Variants in PLEKHA7 observed in about 807,000 individuals in gnomAD.
PLEKHA7 encodes the protein pleckstrin homology domain-containing family A member 7.
PLEKHA7 carries 104 observed loss-of-function variants against 170.0 expected under a neutral mutation model. That is an observed-to-expected ratio of 0.61 (90% CI 0.52 to 0.72). PLEKHA7 has a LOEUF of 0.72. Among genes scored for constraint, PLEKHA7 ranks in the 30% least tolerant of loss-of-function variants. PLEKHA7 has a pLI of 0.00. For synonymous variants in PLEKHA7, 648 were observed against 660.8 expected, an observed-to-expected ratio of 0.98 and a Z score of 0.30; for missense variants, 1,615 against 1,671.7, an observed-to-expected ratio of 0.97 and a Z score of 0.59.
intron 3 of PLEKHA7, among the ~76,000 whole-genome samples, chr11:17,006,950 T>G (rs1047806881): frequency 2.6e-5 from 4 of 152,240 alleles, no homozygotes; most frequent in African/African-American, 9.6e-5. Flanking sequence ...AAAAAATGGG[T>G]TGCTGAATAC....
chr11:16,927,358 C>T (rs983924837), intron 3 of PLEKHA7, among the ~76,000 whole-genome samples: 1 of 152,054 alleles, frequency 6.6e-6, no homozygotes, highest in Admixed American at 6.5e-5. Flanking sequence ...ACTATATATG[C>T]CCTTTAAGTA....
rs115571402 is a variant in PLEKHA7, at chr11:16,811,648, T to C, written c.2007+1465A>G. On this transcript the variant is annotated intron_variant, in intron 13 of 26. Coordinates refer to ENST00000531066, the MANE Select transcript of PLEKHA7 (RefSeq NM_001329630.2). Reference sequence around the variant, plus strand: ...GGAATTACCACCATACTTAGAGCAGTCACTCAAGCTCTGTGTGACCTGACT... The same window carrying C: ...GGAATTACCACCATACTTAGAGCAGCCACTCAAGCTCTGTGTGACCTGACT... Among the ~76,000 whole-genome samples, 404 of 152,318 alleles carry C rather than the reference T, an allele frequency of 2.7e-3. 2 individuals are homozygous for C. Among genetic ancestry groups the C allele is most frequent in the African/African-American group, 9.3e-3 (387 of 41,564 alleles).
intron 3 of PLEKHA7, among the ~76,000 whole-genome samples, chr11:16,876,268 T>A (rs1241969952): frequency 2.6e-5 from 4 of 152,220 alleles, no homozygotes; most frequent in African/African-American, 4.8e-5. Flanking sequence ...TGCTCTATGG[T>A]AGTATAGAGA....
intron 3 of PLEKHA7, among the ~76,000 whole-genome samples, chr11:16,884,302 A>T (rs1855914772): frequency 6.6e-6 from 1 of 152,234 alleles, no homozygotes; most frequent in African/African-American, 2.4e-5. Flanking sequence ...ATTGTAAAAA[A>T]TCAGCCAAAG....
In PLEKHA7 at chr11:16,778,706, A is replaced by G. The variant is rs893853493; in HGVS notation, c.*292T>C. On this transcript the variant is annotated 3_prime_UTR_variant, in exon 27 of 27. Coordinates refer to ENST00000531066, the MANE Select transcript of PLEKHA7 (RefSeq NM_001329630.2). ...TGCATCCTCAACCTTCCTGCCACTC[A>G]GCCCTTGAGGGGAACATTAGAAAAT... The G allele has an allele frequency of 1.1e-5, 5 of 470,260 alleles. No individual in the cohort carries two copies. The highest frequency in any genetic ancestry group is 1.9e-5 in the Non-Finnish European group (5 of 257,210). 29.1% of individuals were successfully genotyped at this position (470,260 alleles called of 1,614,324 possible).
chr11:16,895,057 T>C (rs1856914737), intron 3 of PLEKHA7, among the ~76,000 whole-genome samples: 1 of 152,170 alleles, frequency 6.6e-6, no homozygotes, highest in Admixed American at 6.5e-5. Context: ...TCCAGGCTTT[T>C]TGACTCCAGA....
chr11:16,979,156 C>A (rs546396874), intron 3 of PLEKHA7, among the ~76,000 whole-genome samples: 1 of 152,078 alleles, frequency 6.6e-6, no homozygotes, highest in Non-Finnish European at 1.5e-5. Flanking sequence ...TCCTGCCTCA[C>A]GAGTAGCTGG....
chr11:16,821,504 T>TA (rs1490895784), intron 10 of PLEKHA7, among the ~76,000 whole-genome samples: 4 of 152,246 alleles, frequency 2.6e-5, no homozygotes, highest in African/African-American at 9.6e-5. Flanking sequence ...TACTTCCCTG[T>TA]TGGTTTAAAG....
At chr11:16,875,873 G>A (rs1855250409) in intron 3 of PLEKHA7, among the ~76,000 whole-genome samples, 1 of 152,114 alleles carries the variant, frequency 6.6e-6, no homozygotes, top group Admixed American at 6.6e-5. Context: ...ATACCTAAAA[G>A]GGCAGGTTAG....
intron 3 of PLEKHA7, among the ~76,000 whole-genome samples, chr11:16,993,289 T>C (rs935203047): frequency 2.0e-5 from 3 of 151,756 alleles, no homozygotes; most frequent in Non-Finnish European, 2.9e-5. Context: ...TTTCCTACTA[T>C]CTCTGGATGG....
chr11:16,865,593 G>GGGCACCTGCTACTCAGGA (rs11268016), intron 4 of PLEKHA7, among the ~76,000 whole-genome samples: 1 of 151,350 alleles, frequency 6.6e-6, no homozygotes, highest in Non-Finnish European at 1.5e-5. Flanking sequence ...GTGTGATGGT[G>GGGCACCTGCTACTCAGGA]GGCTGAGGCA....
chr11:16,810,215 C>T (rs1407026940), intron 13 of PLEKHA7, among the ~76,000 whole-genome samples: 1 of 152,236 alleles, frequency 6.6e-6, no homozygotes, highest in Non-Finnish European at 1.5e-5. Flanking sequence ...ACAAAAGCAT[C>T]CCACCTAACA....
chr11:16,900,850 A>AT lies in PLEKHA7; in HGVS notation c.222-29669dup, dbSNP rs1203436793. ...TAACATGTGGAAGTCATGATTTTTT[A>AT]TTTTTTTTTTTTTTTGAGACAGAGT... is the stretch of plus-strand genomic sequence containing the variant. On this transcript the variant is annotated intron_variant, in intron 3 of 26. Coordinates refer to ENST00000531066, the MANE Select transcript of PLEKHA7 (RefSeq NM_001329630.2). 7.4e-3 allele frequency among the ~76,000 whole-genome samples: 1,063 copies of AT among 143,930 alleles called. 5 individuals carry two copies. Among genetic ancestry groups the AT allele is most frequent in the East Asian group, 0.015 (72 of 4,938 alleles). 94.4% of individuals were successfully genotyped at this position (143,930 alleles called of 152,430 possible).
chr11:17,005,883 A>AT (rs1373010369), intron 3 of PLEKHA7, among the ~76,000 whole-genome samples: 1 of 152,248 alleles, frequency 6.6e-6, no homozygotes, highest in African/African-American at 2.4e-5. Context: ...GAAGTGAAAT[A>AT]TAAAGCATGG....
At chr11:16,871,706 T>G (rs1854864868) in intron 3 of PLEKHA7, among the ~76,000 whole-genome samples, 1 of 152,208 alleles carries the variant, frequency 6.6e-6, no homozygotes, top group South Asian at 2.1e-4. Context: ...GGCATGTCTC[T>G]GCAACACGAC....
At chr11:16,854,376 G>A (rs889720825) in intron 6 of PLEKHA7, among the ~76,000 whole-genome samples, 4 of 152,164 alleles carry the variant, frequency 2.6e-5, no homozygotes, top group African/African-American at 9.7e-5. Flanking sequence ...GAGAATGGTG[G>A]TACCATTACT....
At chr11:16,854,438 G>A (rs1297866877) in intron 6 of PLEKHA7, among the ~76,000 whole-genome samples, 1 of 152,220 alleles carries the variant, frequency 6.6e-6, no homozygotes, top group African/African-American at 2.4e-5. Context: ...GTGGTGAGGA[G>A]ATAATGAGCT....
chr11:16,800,774 C>T (rs544742837), intron 17 of PLEKHA7, among the ~76,000 whole-genome samples, 200 bp downstream of exon 17: 6 of 152,030 alleles, frequency 3.9e-5, no homozygotes, highest in Admixed American at 6.5e-5. Context: ...GGTGAAGCTT[C>T]TCATCACAGC....
rs192433515 is a variant in PLEKHA7 at position 16,821,621 on chromosome 11, T to C, written c.1344-4299A>G. ...CTTGATGATATGCAAAGCAGAGATA[T>C]CTATCTCATATATTTTCAAATGGAA... On this transcript the variant is annotated intron_variant, in intron 10 of 26. Transcript: ENST00000531066. Among the ~76,000 whole-genome samples, 375 of 152,166 alleles carry C rather than the reference T, an allele frequency of 2.5e-3. 1 individual carries two copies. Among genetic ancestry groups the C allele is most frequent in the African/African-American group, 8.5e-3 (354 of 41,440 alleles).
Sources: allele counts gnomAD v4.1 joint callset (sites outside exome capture counted in the v4.1 genomes callset), GRCh38; gene constraint gnomAD v4.1.1; transcripts MANE v1.5; gene names NCBI Gene and HGNC (gene_info 2026-07-23, HGNC 2026-07-21).